Variants in NRXN3 observed in about 807,000 individuals in gnomAD.
NRXN3 encodes the protein neurexin III.
Under a neutral mutation model 137.6 loss-of-function variants are expected in NRXN3, and 32 were observed. The ratio of observed to expected loss-of-function variants is 0.23; its 90% confidence interval spans 0.18 to 0.31. The LOEUF (loss-of-function observed/expected upper bound fraction) is 0.31, where lower values mean the gene tolerates loss of function less well. Among genes scored for constraint, NRXN3 ranks in the 10% least tolerant of loss-of-function variants. NRXN3 has a pLI of 1.00. For missense variants in NRXN3, 1,574 were observed against 2,062.5 expected (o/e 0.76, Z 4.59); for synonymous variants, 798 against 784.5 (o/e 1.02, Z -0.29).
intron 10 of NRXN3, among the ~76,000 whole-genome samples, chr14:78,818,798 A>T (rs1257393578): frequency 6.6e-6 from 1 of 152,144 alleles, no homozygotes; most frequent in Non-Finnish European, 1.5e-5. Context: ...AGGAATTCTC[A>T]TAGACTGAGT....
intron 19 of NRXN3, among the ~76,000 whole-genome samples, chr14:79,705,668 G>A (rs10400692): frequency 0.71 from 107,150 of 151,844 alleles, 38,292 homozygotes; most frequent in East Asian, 0.95. Flanking sequence ...TCTGCCTGCA[G>A]CAGCCCTTCC....
intron 4 of NRXN3, among the ~76,000 whole-genome samples, chr14:78,612,474 C>T (rs2097308548): frequency 6.6e-6 from 1 of 152,106 alleles, no homozygotes; most frequent in Non-Finnish European, 1.5e-5. Context: ...ATAAAGAGAT[C>T]AATGTTTGTA....
chr14:79,792,569 T>A (rs2099148585), intron 19 of NRXN3, among the ~76,000 whole-genome samples: 1 of 152,224 alleles, frequency 6.6e-6, no homozygotes, highest in Non-Finnish European at 1.5e-5. Flanking sequence ...ATGCTTAGAT[T>A]TTTTTAAAAA....
chr14:79,843,979 A>G (rs2099361737), intron 20 of NRXN3, among the ~76,000 whole-genome samples: 1 of 152,116 alleles, frequency 6.6e-6, no homozygotes, highest in Non-Finnish European at 1.5e-5. Flanking sequence ...TCTCCCACCT[A>G]TAAGAGAGAG....
At chr14:79,429,404 C>G (rs980513599) in intron 15 of NRXN3, among the ~76,000 whole-genome samples, 5 of 152,184 alleles carry the variant, frequency 3.3e-5, no homozygotes, top group Admixed American at 3.3e-4. Flanking sequence ...GAATCCTTTG[C>G]TGGGTGATCC....
intron 4 of NRXN3, among the ~76,000 whole-genome samples, chr14:78,550,096 C>G (rs1021266699): frequency 6.9e-6 from 1 of 144,680 alleles, no homozygotes; most frequent in Non-Finnish European, 1.5e-5. Context: ...TGCAGTAGTG[C>G]GATCACAGCA....
At chr14:79,332,208 C>A (rs1269207253) in intron 15 of NRXN3, among the ~76,000 whole-genome samples, 2 of 152,154 alleles carry the variant, frequency 1.3e-5, no homozygotes, top group East Asian at 1.9e-4. Flanking sequence ...TGGCAAAAAC[C>A]GCAATGATTT....
At chr14:79,463,452 C>T (rs1009097735) in intron 15 of NRXN3, among the ~76,000 whole-genome samples, 5 of 151,492 alleles carry the variant, frequency 3.3e-5, no homozygotes, top group African/African-American at 1.2e-4. Flanking sequence ...ATAAGCCAGG[C>T]CCATTATTTG....
chr14:79,716,498 T>C (rs178384), intron 19 of NRXN3, among the ~76,000 whole-genome samples: 60,801 of 151,970 alleles, frequency 0.4, 12,983 homozygotes, highest in East Asian at 0.76. Flanking sequence ...GTGTCTTTCA[T>C]TGAACACTAA....
chr14:79,490,351 G>C (rs554769498), intron 16 of NRXN3, among the ~76,000 whole-genome samples: 1 of 152,272 alleles, frequency 6.6e-6, no homozygotes, highest in East Asian at 1.9e-4. Context: ...ATATCAAAGA[G>C]ATATCTGCAG....
chr14:79,819,227 G>A (rs903360793), intron 20 of NRXN3, among the ~76,000 whole-genome samples: 1 of 152,156 alleles, frequency 6.6e-6, no homozygotes, highest in Non-Finnish European at 1.5e-5. Context: ...ACACATAGCA[G>A]CCATGGAAAC....
chr14:79,112,185 C>T (rs1271155285), intron 15 of NRXN3, among the ~76,000 whole-genome samples: 1 of 152,056 alleles, frequency 6.6e-6, no homozygotes, highest in Non-Finnish European at 1.5e-5. Flanking sequence ...TTAAATGTTC[C>T]AAGAGAAGAT....
chr14:78,563,140 T>G (rs2096802960), intron 4 of NRXN3, among the ~76,000 whole-genome samples: 1 of 152,314 alleles, frequency 6.6e-6, no homozygotes, highest in East Asian at 1.9e-4. Flanking sequence ...AGAAGGGCTA[T>G]CTGAAGAAAA....
intron 6 of NRXN3, among the ~76,000 whole-genome samples, chr14:78,660,217 G>A (rs1414617149): frequency 6.7e-6 from 1 of 149,794 alleles, no homozygotes; most frequent in East Asian, 2.0e-4. Context: ...AGGATTTGCT[G>A]CTTACAGTTG....
At chr14:79,521,122 A>G (rs1323252258) in intron 16 of NRXN3, among the ~76,000 whole-genome samples, 2 of 152,066 alleles carry the variant, frequency 1.3e-5, no homozygotes, top group Non-Finnish European at 2.9e-5. Context: ...TAAAAGTTGA[A>G]AGTCTTTGTC....
intron 15 of NRXN3, among the ~76,000 whole-genome samples, chr14:79,202,077 T>C (rs2066108956): frequency 6.6e-6 from 1 of 151,560 alleles, no homozygotes; most frequent in South Asian, 2.1e-4. Flanking sequence ...GTGTTATCTT[T>C]TTTTTTTTTT....
At chr14:78,587,451 C>T (rs934298989) in intron 4 of NRXN3, among the ~76,000 whole-genome samples, 6 of 152,076 alleles carry the variant, frequency 3.9e-5, no homozygotes, top group Admixed American at 3.3e-4. Flanking sequence ...TCTAGTCTTA[C>T]CCTATGAAAT....
intron 10 of NRXN3, among the ~76,000 whole-genome samples, chr14:78,865,557 G>T (rs1333478162): frequency 1.3e-5 from 2 of 152,110 alleles, no homozygotes; most frequent in African/African-American, 4.8e-5. Flanking sequence ...GCTAATACAG[G>T]TAACTTTCTA....
intron 4 of NRXN3, among the ~76,000 whole-genome samples, chr14:78,539,544 T>G (rs1401735035): frequency 1.3e-5 from 2 of 152,194 alleles, no homozygotes; most frequent in Non-Finnish European, 2.9e-5. Context: ...ATTTTGTTGA[T>G]CTTTTCAAAA....
Sources: gnomAD v4.1 joint callset for allele counts (sites outside exome capture counted in the v4.1 genomes callset) on GRCh38, gnomAD v4.1.1 for gene constraint, MANE v1.5 for transcripts, NCBI Gene and HGNC (gene_info 2026-07-23, HGNC 2026-07-21) for gene names.